ITGA9: variants seen among roughly 807,000 people sequenced by gnomAD.
ITGA9 encodes integrin subunit alpha 9.
ITGA9 carries 56 observed loss-of-function variants against 127.8 expected under a neutral mutation model. That is an observed-to-expected ratio of 0.44 (90% CI 0.35 to 0.55). The LOEUF (loss-of-function observed/expected upper bound fraction) is 0.55. Among genes scored for constraint, ITGA9 ranks in the 20% least tolerant of loss-of-function variants. The pLI, the probability that ITGA9 is intolerant of heterozygous loss-of-function variation, is 0.00. For synonymous variants in ITGA9, 508 were observed against 514.5 expected (o/e 0.99, Z 0.17); for missense variants, 1,196 against 1,347.1 (o/e 0.89, Z 1.76).
At chr3:37,522,283 G>A (rs1272225847) in intron 11 of ITGA9, among the ~76,000 whole-genome samples, 1 of 152,136 alleles carries the variant, frequency 6.6e-6, no homozygotes, top group African/African-American at 2.4e-5. Flanking sequence ...CCCAGAAGAT[G>A]GGACTTTTCT....
At chr3:37,717,545 G>A (rs924529395) in intron 18 of ITGA9, among the ~76,000 whole-genome samples, 4 of 152,280 alleles carry the variant, frequency 2.6e-5, no homozygotes, top group Non-Finnish European at 5.9e-5. Context: ...GAAGGTGAAC[G>A]GAAGCAAGAA....
At position 37,512,120 on chromosome 3, in the gene ITGA9, C is replaced by CCTTCCTTCCTTCCTTCT. The variant is rs1698929069; in HGVS notation, c.898-1643_898-1642insCTTCCTTCCTTCCTTCT. 1.3e-4 allele frequency among the ~76,000 whole-genome samples: 5 copies of CCTTCCTTCCTTCCTTCT among 39,450 alleles called. 1 individual carries two copies. Among genetic ancestry groups the CCTTCCTTCCTTCCTTCT allele is most frequent in the Admixed American group, 6.4e-4 (2 of 3,122 alleles). The allele number at this position is 39,450 out of a possible 152,430, so 25.9% of individuals were successfully genotyped here. A position where few individuals can be genotyped will look rare whatever the true frequency, so the allele number is the denominator to read the frequency against. On this transcript the variant is annotated intron_variant, in intron 8 of 27. Coordinates refer to ENST00000264741, the MANE Select transcript of ITGA9 (RefSeq NM_002207.3). ...TCCTTCCTTCCTTCCTTCCTTCCTT[C>CCTTCCTTCCTTCCTTCT]TTTCTTTTCTTTTCTTTTCTTTTCT...
At chr3:37,803,689 G>A (rs562603052) in intron 26 of ITGA9, 134 bp from the exon 27 acceptor site, 24 of 976,272 alleles carry the variant, frequency 2.5e-5, no homozygotes, top group Middle Eastern at 2.9e-4. Context: ...CAGGAGAATC[G>A]CTTGAACCCA....
At chr3:37,724,273 A>C (rs1701223199) in intron 18 of ITGA9, among the ~76,000 whole-genome samples, 1 of 151,930 alleles carries the variant, frequency 6.6e-6, no homozygotes, top group South Asian at 2.1e-4. Flanking sequence ...ACAGTATTCC[A>C]CCCAAATGAG....
chr3:37,762,725 T>C (rs1696737365), intron 23 of ITGA9, among the ~76,000 whole-genome samples: 2 of 152,236 alleles, frequency 1.3e-5, no homozygotes, highest in Non-Finnish European at 2.9e-5. Flanking sequence ...AAATCTATTT[T>C]GGGATAAAAC....
intron 16 of ITGA9, among the ~76,000 whole-genome samples, chr3:37,648,943 A>C (rs1700403944): frequency 6.6e-6 from 1 of 152,154 alleles, no homozygotes; most frequent in South Asian, 2.1e-4. Flanking sequence ...CATCAATAGC[A>C]TGTAACTTGG....
At chr3:37,759,334 T>C (rs1696695695) in intron 23 of ITGA9, among the ~76,000 whole-genome samples, 2 of 152,052 alleles carry the variant, frequency 1.3e-5, no homozygotes, top group South Asian at 2.1e-4. Context: ...ACACTGTATA[T>C]ATCATATATA....
chr3:37,551,178 G>A (rs1392476234), intron 15 of ITGA9, among the ~76,000 whole-genome samples: 3 of 152,174 alleles, frequency 2.0e-5, no homozygotes, highest in African/African-American at 7.2e-5. Flanking sequence ...TTATTGGATA[G>A]TGTAATTGTT....
At chr3:37,657,438 A>G (rs1700489330) in intron 17 of ITGA9, among the ~76,000 whole-genome samples, 1 of 152,102 alleles carries the variant, frequency 6.6e-6, no homozygotes. Flanking sequence ...TGTGTCCAGG[A>G]ATTTATCCAT....
At chr3:37,495,334 C>T (rs1050277001) in intron 5 of ITGA9, among the ~76,000 whole-genome samples, 2 of 152,242 alleles carry the variant, frequency 1.3e-5, no homozygotes, top group African/African-American at 4.8e-5. Flanking sequence ...CTTATGTGCC[C>T]GTGTGGTAGT....
intron 4 of ITGA9, among the ~76,000 whole-genome samples, chr3:37,486,958 G>T (rs1698616020): frequency 6.6e-6 from 1 of 152,198 alleles, no homozygotes; most frequent in Admixed American, 6.5e-5. Context: ...TCCAGGGAAG[G>T]AAATAGATTA....
chr3:37,789,605 C>CAAA (rs71288090), intron 26 of ITGA9, among the ~76,000 whole-genome samples: 25 of 140,694 alleles, frequency 1.8e-4, no homozygotes, highest in Admixed American at 2.1e-4. Context: ...TAAAAAATAC[C>CAAA]AAAAAAAAAA....
At chr3:37,607,805 A>G (rs1325418314) in intron 15 of ITGA9, among the ~76,000 whole-genome samples, 1 of 152,230 alleles carries the variant, frequency 6.6e-6, no homozygotes, top group Non-Finnish European at 1.5e-5. Flanking sequence ...GTGCCCAGAA[A>G]TAGCCTAGAC....
At chr3:37,497,855 A>G (rs900079518) in intron 5 of ITGA9, among the ~76,000 whole-genome samples, 2 of 152,210 alleles carry the variant, frequency 1.3e-5, no homozygotes, top group Admixed American at 6.5e-5. Flanking sequence ...GGCAGTGTTG[A>G]AAGAAAGGCT....
intron 18 of ITGA9, among the ~76,000 whole-genome samples, chr3:37,717,105 C>T (rs2125681652): frequency 6.6e-6 from 1 of 152,324 alleles, no homozygotes; most frequent in East Asian, 1.9e-4. Flanking sequence ...GTATATGTTT[C>T]TCTGTTACAT....
At chr3:37,470,969 C>T (rs536085673) in intron 1 of ITGA9, 38 bp from the exon 2 acceptor site, 90 of 1,612,922 alleles carry the variant, frequency 5.6e-5, no homozygotes, top group South Asian at 9.9e-5. Flanking sequence ...ATTTTCTTAT[C>T]GTAGGTTGTG....
chr3:37,532,623 G>C (rs546470694), intron 13 of ITGA9, among the ~76,000 whole-genome samples: 3 of 103,422 alleles, frequency 2.9e-5, no homozygotes, highest in Non-Finnish European at 6.7e-5. Flanking sequence ...TGTCCTTGGG[G>C]AGCCCACAGG....
chr3:37,604,149 T>C (rs1699946600), intron 15 of ITGA9, among the ~76,000 whole-genome samples: 1 of 152,234 alleles, frequency 6.6e-6, no homozygotes. Flanking sequence ...CACAGCCCTT[T>C]GGCAGAGACA....
chr3:37,736,984 G>A lies in ITGA9; in HGVS notation c.2234+1G>A. 1 of 1,599,464 alleles carries A rather than the reference G, an allele frequency of 6.3e-7. No individual in the cohort carries two copies. ...TCAGCTTCATTGTTACTGCTCAGAG[G>A]TAAGGGGGGGGTTTAAACACTTTTT... On this transcript the variant is annotated splice_donor_variant, in intron 20 of 27. Coordinates refer to ENST00000264741, the MANE Select transcript of ITGA9 (RefSeq NM_002207.3). LOFTEE classifies it high-confidence loss of function.
Sources: gnomAD v4.1 joint callset for allele counts (sites outside exome capture counted in the v4.1 genomes callset) on GRCh38, gnomAD v4.1.1 for gene constraint, MANE v1.5 for transcripts, NCBI Gene and HGNC (gene_info 2026-07-23, HGNC 2026-07-21) for gene names.